LMO7: variants seen among roughly 807,000 people sequenced by gnomAD.
LMO7 encodes LIM domain 7, also known as LIM domain only protein 7.
LMO7 carries 120 observed loss-of-function variants against 206.5 expected under a neutral mutation model. The ratio of observed to expected loss-of-function variants is 0.58; its 90% CI spans 0.50 to 0.68. The LOEUF (loss-of-function observed/expected upper bound fraction) is 0.68. Among genes scored for constraint, LMO7 ranks in the 30% least tolerant of loss-of-function variants. LMO7 has a pLI of 0.00. For missense variants in LMO7, 1,959 were observed against 1,957.9 expected (o/e 1.00, Z -0.01); for synonymous variants, 706 against 681.5 (o/e 1.04, Z -0.56).
intron 1 of LMO7, among the ~76,000 whole-genome samples, chr13:75,664,151 C>T (rs1026342748): frequency 2.0e-5 from 3 of 152,128 alleles, no homozygotes; most frequent in African/African-American, 7.2e-5. Context: ...TCTTCCCAGC[C>T]TCTGGTAACC....
Position 75,858,919 on chromosome 13 carries a change from T to C in LMO7, c.*976T>C, listed in dbSNP as rs1398087684. On this transcript the variant is annotated 3_prime_UTR_variant, in exon 31 of 31. Coordinates refer to ENST00000377534, the MANE Select transcript of LMO7 (RefSeq NM_001306080.2). ...AACATTTTAATAAGGAAGTTTATTT[T>C]TGATAAAGTTATGTTTTTGGATACA... is the stretch of plus-strand genomic sequence containing the variant. 1 of 152,232 alleles carries C rather than the reference T, an allele frequency of 6.6e-6. No homozygotes were observed. The highest frequency in any genetic ancestry group is 1.5e-5 in the Non-Finnish European group (1 of 68,040). 9.4% of individuals were successfully genotyped at this position (152,232 alleles called of 1,614,324 possible). A position where few individuals can be genotyped will look rare whatever the true frequency, so the allele number is the denominator to read the frequency against.
chr13:75,629,418 A>C (rs982460666), intron 2 of LMO7, among the ~76,000 whole-genome samples: 2 of 152,196 alleles, frequency 1.3e-5, no homozygotes, highest in Non-Finnish European at 2.9e-5. Flanking sequence ...CTATGATTGC[A>C]TAAAGAAGAT....
intron 3 of LMO7, among the ~76,000 whole-genome samples, chr13:75,733,592 G>C (rs1221547747): frequency 2.0e-5 from 3 of 152,196 alleles, no homozygotes; most frequent in Non-Finnish European, 4.4e-5. Context: ...GTGAGGCAAT[G>C]CCTCGCCCTG....
chr13:75,745,982 C>T (rs529198073), intron 3 of LMO7, among the ~76,000 whole-genome samples: 14 of 152,238 alleles, frequency 9.2e-5, no homozygotes, highest in Admixed American at 5.2e-4. Context: ...AATATATATC[C>T]GGTTGATCCT....
At chr13:75,803,995 T>A (rs891105984) in intron 7 of LMO7, among the ~76,000 whole-genome samples, 3 of 152,226 alleles carry the variant, frequency 2.0e-5, no homozygotes, top group Non-Finnish European at 4.4e-5. Flanking sequence ...ACAAATCTTA[T>A]GGAAAATCAT....
chr13:75,688,553 A>G (rs1480380798), intron 1 of LMO7: 3 of 152,368 alleles, frequency 2.0e-5, no homozygotes, highest in African/African-American at 4.8e-5. Flanking sequence ...TGGCCAAGAT[A>G]TATATATCCC....
chr13:75,824,682 C>T (rs1313234872), intron 15 of LMO7, among the ~76,000 whole-genome samples: 1 of 152,064 alleles, frequency 6.6e-6, no homozygotes, highest in African/African-American at 2.4e-5. Flanking sequence ...TTGTATGAAC[C>T]CCTTAGCATG....
At chr13:75,664,056 T>C (rs2038880969) in intron 1 of LMO7, among the ~76,000 whole-genome samples, 1 of 152,144 alleles carries the variant, frequency 6.6e-6, no homozygotes, top group Non-Finnish European at 1.5e-5. Flanking sequence ...CACCCTGTTA[T>C]CCTAGCAAAT....
chr13:75,665,088 A>G (rs2139311713), intron 1 of LMO7, among the ~76,000 whole-genome samples: 1 of 152,278 alleles, frequency 6.6e-6, no homozygotes, highest in Admixed American at 6.5e-5. Context: ...AAATGTTTTT[A>G]GTACTGTTTA....
chr13:75,650,342 A>G (rs1000766593), intron 1 of LMO7, among the ~76,000 whole-genome samples: 9 of 151,794 alleles, frequency 5.9e-5, no homozygotes, highest in Non-Finnish European at 1.2e-4. Context: ...GTTGGCCAGG[A>G]TGGTCTTGAT....
At chr13:75,814,819 A>G (rs2056806288) in intron 11 of LMO7, among the ~76,000 whole-genome samples, 1 of 152,130 alleles carries the variant, frequency 6.6e-6, no homozygotes, top group South Asian at 2.1e-4. Flanking sequence ...CCTGGAAGTG[A>G]GAGAGAAGCT....
chr13:75,801,929 G>T (rs918894326), intron 7 of LMO7, among the ~76,000 whole-genome samples: 1 of 151,346 alleles, frequency 6.6e-6, no homozygotes, highest in African/African-American at 2.4e-5. Flanking sequence ...GTTTTACTAT[G>T]CATGCTTTAT....
At chr13:75,822,705 A>C (rs1343782583) in intron 14 of LMO7, among the ~76,000 whole-genome samples, 2 of 147,102 alleles carry the variant, frequency 1.4e-5, no homozygotes, top group East Asian at 4.0e-4. Context: ...GATGCTGAGA[A>C]ACAGATGTTC....
intron 3 of LMO7, among the ~76,000 whole-genome samples, chr13:75,730,102 G>A (rs973592722): frequency 6.6e-6 from 1 of 151,864 alleles, no homozygotes; most frequent in East Asian, 1.9e-4. Context: ...TTTTGGTTGT[G>A]TCTCTGCCAG....
chr13:75,710,705 T>A (rs553577086), intron 1 of LMO7, among the ~76,000 whole-genome samples: 1 of 151,548 alleles, frequency 6.6e-6, no homozygotes, highest in Non-Finnish European at 1.5e-5. Flanking sequence ...TGGGCTGAGA[T>A]GATGGGGTTT....
At chr13:75,830,387 T>G (rs905102277) in intron 15 of LMO7, among the ~76,000 whole-genome samples, 1 of 152,166 alleles carries the variant, frequency 6.6e-6, no homozygotes, top group African/African-American at 2.4e-5. Flanking sequence ...GTGGTCTGCA[T>G]AAGACTTTGA....
At chr13:75,626,424 C>T (rs967388498) in intron 2 of LMO7, among the ~76,000 whole-genome samples, 14 of 142,532 alleles carry the variant, frequency 9.8e-5, no homozygotes, top group African/African-American at 2.0e-4. Flanking sequence ...TTCACTATGA[C>T]GAGAAAAGCA....
intron 25 of LMO7, among the ~76,000 whole-genome samples, chr13:75,843,150 G>GAT (rs1217357976): frequency 7.2e-5 from 11 of 152,168 alleles, no homozygotes; most frequent in African/African-American, 2.7e-4. Context: ...TCTCCCTTGG[G>GAT]CAGCCTTTTA....
chr13:75,786,927 C>T lies in LMO7; in HGVS notation c.318-8474C>T, dbSNP rs116428101. Among the ~76,000 whole-genome samples, 906 of 152,270 alleles carry T rather than the reference C, an allele frequency of 5.9e-3. 9 individuals are homozygous for T. The highest frequency in any genetic ancestry group is 0.02 in the African/African-American group (823 of 41,554). ...TTACCTAGCATTATCACCTTTTAAA[C>T]TGTTTGGAAGATCAGTTTAAAAATC... On this transcript the variant is annotated intron_variant, in intron 4 of 30. Coordinates refer to ENST00000377534, the MANE Select transcript of LMO7 (RefSeq NM_001306080.2).
Sources: allele counts gnomAD v4.1 joint callset (sites outside exome capture counted in the v4.1 genomes callset), GRCh38; gene constraint gnomAD v4.1.1; transcripts MANE v1.5; gene names NCBI Gene and HGNC (gene_info 2026-07-23, HGNC 2026-07-21).